Variants in SEZ6L observed in about 807,000 individuals in gnomAD.
SEZ6L encodes seizure 6-like protein.
SEZ6L carries 37 observed loss-of-function variants against 106.2 expected under a neutral mutation model. That is an observed-to-expected ratio of 0.35 (90% CI 0.27 to 0.46). SEZ6L has a LOEUF of 0.46. Among genes scored for constraint, SEZ6L ranks in the 20% least tolerant of loss-of-function variants. The pLI, the probability that SEZ6L is intolerant of heterozygous loss-of-function variation, is 1.00. For missense variants in SEZ6L, 1,172 were observed against 1,332.8 expected (o/e 0.88, Z 1.88); for synonymous variants, 541 against 570.4 (o/e 0.95, Z 0.73).
At chr22:26,275,215 C>T (rs533151586) in intron 1 of SEZ6L, among the ~76,000 whole-genome samples, 108 of 152,210 alleles carry the variant, frequency 7.1e-4, no homozygotes, top group Non-Finnish European at 1.2e-3. Flanking sequence ...GAATTTACAA[C>T]GTTGCAAAAG....
At chr22:26,254,312 A>G (rs543593797) in intron 1 of SEZ6L, among the ~76,000 whole-genome samples, 82 of 152,254 alleles carry the variant, frequency 5.4e-4, no homozygotes, top group Non-Finnish European at 9.7e-4. Context: ...AAAGATGCTC[A>G]TTAACTACAG....
chr22:26,307,723 C>A (rs1051366410), intron 6 of SEZ6L, among the ~76,000 whole-genome samples: 1 of 152,116 alleles, frequency 6.6e-6, no homozygotes, highest in African/African-American at 2.4e-5. Context: ...GCATGGGAAC[C>A]CTTGGTGAAG....
At chr22:26,328,269 G>A (rs991134027) in intron 9 of SEZ6L, among the ~76,000 whole-genome samples, 3 of 152,192 alleles carry the variant, frequency 2.0e-5, no homozygotes, top group Non-Finnish European at 2.9e-5. Context: ...TTGCCACGCC[G>A]CCCTTGCCCC....
intron 1 of SEZ6L, among the ~76,000 whole-genome samples, chr22:26,203,365 C>G (rs1195745820): frequency 2.0e-5 from 3 of 152,130 alleles, no homozygotes; most frequent in Admixed American, 2.0e-4. Context: ...CGTATAGCAC[C>G]ATTGGGCATG....
At chr22:26,323,902 T>C (rs1368077616) in intron 9 of SEZ6L, among the ~76,000 whole-genome samples, 1 of 152,122 alleles carries the variant, frequency 6.6e-6, no homozygotes, top group Non-Finnish European at 1.5e-5. Flanking sequence ...GCAATATCAG[T>C]ACCCTATGCA....
Position 26,292,770 on chromosome 22 carries a change from C to A in SEZ6L, c.459C>A (p.Gly153=). ...QRAGSQPASQ[G]LDLLSSSTEK... is the part of the protein sequence containing the mutation. ...CAGGGTCCCAGCCAGCGTCCCAGGG[C>A]CTAGATCTCCTCTCCTCCTCCACGG... Residue 153 remains glycine, a synonymous_variant, in exon 2 of 17, where the codon GGC becomes GGA. Transcript: ENST00000248933. The A allele has an allele frequency of 1.2e-6, 2 of 1,614,174 alleles. No individual in the cohort carries two copies. Among genetic ancestry groups the A allele is most frequent in the Non-Finnish European group, 1.7e-6 (2 of 1,180,004 alleles).
intron 1 of SEZ6L, among the ~76,000 whole-genome samples, chr22:26,226,041 A>G (rs926581055): frequency 6.6e-6 from 1 of 152,102 alleles, no homozygotes; most frequent in African/African-American, 2.4e-5. Context: ...ATATTTCTCA[A>G]AGTAACTCGA....
At chr22:26,316,936 A>AAAGAAAAAG (rs762066603) in intron 9 of SEZ6L, among the ~76,000 whole-genome samples, 2 of 131,044 alleles carry the variant, frequency 1.5e-5, no homozygotes, top group Non-Finnish European at 1.7e-5. Flanking sequence ...AGAAAGAAAG[A>AAAGAAAAAG]AAAGAAAGAA....
intron 1 of SEZ6L, among the ~76,000 whole-genome samples, chr22:26,247,859 T>C (rs2145787002): frequency 6.6e-6 from 1 of 152,172 alleles, no homozygotes; most frequent in African/African-American, 2.4e-5. Flanking sequence ...CATGCAAAGG[T>C]TGTAGAACAG....
chr22:26,262,246 A>ATCTATCTATCTG (rs1556283118), intron 1 of SEZ6L, among the ~76,000 whole-genome samples: 1 of 122,438 alleles, frequency 8.2e-6, no homozygotes, highest in Non-Finnish European at 1.9e-5. Flanking sequence ...GATATATTTT[A>ATCTATCTATCTG]TCTATCTATC....
intron 9 of SEZ6L, among the ~76,000 whole-genome samples, chr22:26,319,170 T>C (rs1156491002): frequency 2.6e-5 from 4 of 152,140 alleles, no homozygotes; most frequent in Non-Finnish European, 4.4e-5. Flanking sequence ...CTCAGGAAAT[T>C]CCATTGCTTC....
chr22:26,360,541 G>A (rs2083581726), intron 12 of SEZ6L, among the ~76,000 whole-genome samples: 1 of 152,152 alleles, frequency 6.6e-6, no homozygotes, highest in Non-Finnish European at 1.5e-5. Flanking sequence ...GAAAATTTCC[G>A]AGGAAAGGTT....
intron 9 of SEZ6L, among the ~76,000 whole-genome samples, chr22:26,335,536 T>C (rs372077485): frequency 6.6e-6 from 1 of 152,200 alleles, no homozygotes; most frequent in Admixed American, 6.5e-5. Context: ...CTGTCTTTAA[T>C]AGGATATTAA....
intron 1 of SEZ6L, among the ~76,000 whole-genome samples, chr22:26,264,141 G>A (rs1302648740): frequency 5.3e-5 from 8 of 152,218 alleles, no homozygotes; most frequent in Admixed American, 5.2e-4. Flanking sequence ...GCAACACAAA[G>A]AGTAAACTCA....
intron 1 of SEZ6L, among the ~76,000 whole-genome samples, chr22:26,177,708 C>T (rs1399516976): frequency 2.6e-5 from 4 of 152,092 alleles, no homozygotes; most frequent in African/African-American, 4.8e-5. Flanking sequence ...GAGCTGGCAC[C>T]GGGCCTTGCA....
At chr22:26,265,377 G>A (rs1331721633) in intron 1 of SEZ6L, among the ~76,000 whole-genome samples, 1 of 152,144 alleles carries the variant, frequency 6.6e-6, no homozygotes, top group Non-Finnish European at 1.5e-5. Context: ...AAAAATGAAT[G>A]CTTCCATCAA....
intron 1 of SEZ6L, among the ~76,000 whole-genome samples, chr22:26,273,597 C>G (rs989525147): frequency 1.3e-5 from 2 of 152,228 alleles, no homozygotes; most frequent in African/African-American, 4.8e-5. Flanking sequence ...AATGGAGGAG[C>G]CTGGGGCTTG....
chr22:26,344,441 A>G (rs2082943376), intron 10 of SEZ6L, among the ~76,000 whole-genome samples: 2 of 152,222 alleles, frequency 1.3e-5, no homozygotes, highest in Non-Finnish European at 2.9e-5. Context: ...TAAGCTCCAT[A>G]TTGTAAGTCA....
chr22:26,278,892 AAAG>A lies in SEZ6L; in HGVS notation c.95-13510_95-13508del, dbSNP rs2080649932. Among the ~76,000 whole-genome samples, 18 of 150,126 alleles carry A rather than the reference AAAG, an allele frequency of 1.2e-4. No homozygotes were observed. In the South Asian group the frequency reaches 3.6e-3, roughly 30 times the overall value. On this transcript the variant is annotated intron_variant, in intron 1 of 16. Transcript: ENST00000248933. Reference sequence around the variant, plus strand: ...AGAGAAAGAAAGAAAAGGAAGAAAGAAAGAAGGAGAGGAAGGAAGGAGAGAGGA... The same window carrying A: ...AGAGAAAGAAAGAAAAGGAAGAAAGAAAGGAGAGGAAGGAAGGAGAGAGGA...
Sources: gnomAD v4.1 joint callset for allele counts (sites outside exome capture counted in the v4.1 genomes callset) on GRCh38, gnomAD v4.1.1 for gene constraint, MANE v1.5 for transcripts, NCBI Gene and HGNC (gene_info 2026-07-23, HGNC 2026-07-21) for gene names.